The following JAKMIP2 variants were observed in gnomAD, a reference collection of about 807,000 sequenced individuals.
JAKMIP2 encodes the protein janus kinase and microtubule-interacting protein 2.
In JAKMIP2, 25 loss-of-function variants were observed where a neutral mutation model predicts 115.0. That is an observed-to-expected ratio of 0.22 (90% CI 0.16 to 0.30). The LOEUF (loss-of-function observed/expected upper bound fraction) is 0.30. JAKMIP2 is among the 10% of genes least tolerant of loss of function. JAKMIP2 has a pLI of 1.00. For synonymous variants in JAKMIP2, 334 were observed against 343.6 expected, an observed-to-expected ratio of 0.97 and a Z score of 0.31; for missense variants, 642 against 957.6, an observed-to-expected ratio of 0.67 and a Z score of 4.35.
At chr5:147,773,836 C>A (rs1330137213) in intron 1 of JAKMIP2, among the ~76,000 whole-genome samples, 1 of 152,060 alleles carries the variant, frequency 6.6e-6, no homozygotes, top group African/African-American at 2.4e-5. Context: ...TGGCATTGCA[C>A]CCTGTAGGTC....
At position 147,591,106 on chromosome 5, in the gene JAKMIP2, T is replaced by A. The variant is rs191329046; in HGVS notation, c.*601A>T. The stretch of plus-strand genomic sequence containing the variant: ...TCTGTTCCTGAGTTTAAAACAATCA[T>A]AAAGACAGAAAAGCAAATCCCTGTA... On this transcript the variant is annotated 3_prime_UTR_variant, in exon 22 of 22. Transcript: ENST00000616793. The A allele has an allele frequency of 6.5e-6, 1 of 152,748 alleles. No homozygotes were observed. Among genetic ancestry groups the A allele is most frequent in the Non-Finnish European group, 1.5e-5 (1 of 68,160 alleles). The allele number at this position is 152,748 out of a possible 1,614,324, so 9.5% of individuals were successfully genotyped here. A position where few individuals can be genotyped will look rare whatever the true frequency, so the allele number is the denominator to read the frequency against.
At chr5:147,610,577 G>A (rs779154518) in intron 20 of JAKMIP2, among the ~76,000 whole-genome samples, 20 of 152,176 alleles carry the variant, frequency 1.3e-4, no homozygotes, top group Non-Finnish European at 1.9e-4. Context: ...AAGGGCACAC[G>A]TCAGATGCCA....
chr5:147,597,270 C>T (rs529339904), intron 21 of JAKMIP2, among the ~76,000 whole-genome samples: 2 of 152,236 alleles, frequency 1.3e-5, no homozygotes, highest in East Asian at 3.9e-4. Context: ...TAAATATTTG[C>T]ACGTTTTAAC....
chr5:147,698,274 A>T (rs1187538969), intron 1 of JAKMIP2, among the ~76,000 whole-genome samples: 2 of 152,144 alleles, frequency 1.3e-5, no homozygotes, highest in Admixed American at 1.3e-4. Flanking sequence ...CCTGCACCCC[A>T]TTGTATCTAG....
intron 1 of JAKMIP2, among the ~76,000 whole-genome samples, chr5:147,680,597 T>C (rs959598102): frequency 2.0e-5 from 3 of 152,250 alleles, no homozygotes; most frequent in African/African-American, 2.4e-5. Context: ...TAAGCCTCCC[T>C]TCTTTTCCAA....
At chr5:147,648,354 A>G (rs761322467) in intron 5 of JAKMIP2, 22 bp downstream of exon 5, 1 of 1,375,574 alleles carries the variant, frequency 7.3e-7, no homozygotes, top group Non-Finnish European at 1.0e-6. Context: ...CAACATCAAC[A>G]AAAATTTTTA....
At chr5:147,642,815 C>G (rs1757942737) in intron 7 of JAKMIP2, among the ~76,000 whole-genome samples, 1 of 151,942 alleles carries the variant, frequency 6.6e-6, no homozygotes, top group African/African-American at 2.4e-5. Context: ...GTGGGTGTTG[C>G]CAAAGGAGGT....
chr5:147,730,850 A>ACCCT (rs1041016254), intron 1 of JAKMIP2, among the ~76,000 whole-genome samples: 2 of 151,592 alleles, frequency 1.3e-5, no homozygotes, highest in African/African-American at 4.9e-5. Context: ...CCTTCCACTG[A>ACCCT]CCCTCACTCT....
intron 20 of JAKMIP2, among the ~76,000 whole-genome samples, chr5:147,604,829 TATTATTATTATTATA>T (rs371352972): frequency 0.021 from 3,135 of 148,100 alleles, 122 homozygotes; most frequent in African/African-American, 0.074. Flanking sequence ...TTATTATTAT[TATTATTATTATTATA>T]CTTTAAGTTC....
At chr5:147,720,835 T>G (rs1753243888) in intron 1 of JAKMIP2, among the ~76,000 whole-genome samples, 1 of 152,172 alleles carries the variant, frequency 6.6e-6, no homozygotes, top group Admixed American at 6.5e-5. Context: ...ATCTGAAGCC[T>G]TCTTCTCTCA....
chr5:147,727,858 T>G (rs1009691512), intron 1 of JAKMIP2, among the ~76,000 whole-genome samples: 1 of 115,682 alleles, frequency 8.6e-6, no homozygotes, highest in Non-Finnish European at 2.1e-5. Flanking sequence ...GTAGACTTAA[T>G]TGTTTTTCTC....
intron 10 of JAKMIP2, among the ~76,000 whole-genome samples, chr5:147,638,395 G>A (rs1234650226): frequency 6.6e-6 from 1 of 152,000 alleles, no homozygotes; most frequent in African/African-American, 2.4e-5. Flanking sequence ...AAAATAATAT[G>A]CTATTATTTT....
At chr5:147,731,848 T>C (rs570739954) in intron 1 of JAKMIP2, among the ~76,000 whole-genome samples, 1 of 152,362 alleles carries the variant, frequency 6.6e-6, no homozygotes, top group African/African-American at 2.4e-5. Context: ...CTTGGTATCA[T>C]GGCAGAAACC....
At chr5:147,781,202 G>A (rs114950980) in intron 1 of JAKMIP2, among the ~76,000 whole-genome samples, 61 of 152,202 alleles carry the variant, frequency 4.0e-4, no homozygotes, top group African/African-American at 1.4e-3. Flanking sequence ...GCTGGGCTAG[G>A]GTGCTTGGGA....
intron 1 of JAKMIP2, among the ~76,000 whole-genome samples, chr5:147,688,167 A>G (rs1760660324): frequency 1.3e-5 from 2 of 152,224 alleles, no homozygotes; most frequent in African/African-American, 4.8e-5. Flanking sequence ...TAAGGCCACT[A>G]AACACATTTG....
At chr5:147,640,961 C>T in intron 8 of JAKMIP2, 138 bp from the exon 9 acceptor site, 1 of 666,798 alleles carries the variant, frequency 1.5e-6, no homozygotes, top group Non-Finnish European at 2.4e-6. Flanking sequence ...GAAATAAAAA[C>T]ATTAGGCATG....
rs3763094 is a variant in JAKMIP2 at position 147,632,728 on chromosome 5, G to A, written c.1728C>T (p.Asp576=). 0.14 allele frequency: 220,466 copies of A among 1,609,536 alleles called. 17,857 individuals are homozygous for A. The highest frequency in any genetic ancestry group is 0.28 in the South Asian group (25,556 of 90,734). Residue 576 remains aspartate (D), a synonymous_variant, in exon 13 of 22, where the codon GAC becomes GAT. Transcript: ENST00000616793. ...CCAGCAGCTCATTCTGGTCTCTGGC[G>A]TCCTGTAGTTCTTGTTGTAACCGGT... ...ENHRLQQELQ[D]ARDQNELLEF... is the part of the protein sequence containing the mutation.
chr5:147,633,856 A>C (rs1757483558), intron 12 of JAKMIP2, among the ~76,000 whole-genome samples: 1 of 151,876 alleles, frequency 6.6e-6, no homozygotes, highest in Admixed American at 6.6e-5. Flanking sequence ...GGCCTGGCTA[A>C]TTTTTGTATT....
chr5:147,591,838 T>C (rs900856969), intron 21 of JAKMIP2, 152 bp from the exon 22 acceptor site: 5 of 558,760 alleles, frequency 8.9e-6, no homozygotes, highest in Non-Finnish European at 1.6e-5. Context: ...TAAGCTTAGT[T>C]ACTTTAATTT....
Sources: allele counts gnomAD v4.1 joint callset (sites outside exome capture counted in the v4.1 genomes callset), GRCh38; gene constraint gnomAD v4.1.1; transcripts MANE v1.5; gene names NCBI Gene and HGNC (gene_info 2026-07-23, HGNC 2026-07-21).